RALGPS2: variants seen among roughly 807,000 people sequenced by gnomAD.
The protein encoded by RALGPS2 is Ral GEF with PH domain and SH3 binding motif 2, also known as ras-specific guanine nucleotide-releasing factor RalGPS2.
RALGPS2 carries 43 observed loss-of-function variants against 86.8 expected under a neutral mutation model. The observed-to-expected ratio is 0.50, with a 90% confidence interval of 0.39 to 0.64. The LOEUF (loss-of-function observed/expected upper bound fraction) is 0.64, where lower values mean the gene tolerates loss of function less well. Ranked by LOEUF, RALGPS2 falls within the 30% of genes least tolerant of loss-of-function variation. The probability of loss-of-function intolerance (pLI) is 0.00; values close to 1 mark genes in which losing one functional copy is unlikely to be tolerated. For synonymous variants in RALGPS2, 243 were observed against 231.3 expected (o/e 1.05, Z -0.46); for missense variants, 536 against 694.6 (o/e 0.77, Z 2.57).
intron 5 of RALGPS2, among the ~76,000 whole-genome samples, chr1:178,809,863 C>T (rs1654894360): frequency 6.6e-6 from 1 of 152,172 alleles, no homozygotes; most frequent in East Asian, 1.9e-4. Flanking sequence ...TTCATCAAAG[C>T]AGTCACAAGC....
chr1:178,732,565 C>T (rs780359096), intron 1 of RALGPS2, among the ~76,000 whole-genome samples: 14 of 152,116 alleles, frequency 9.2e-5, no homozygotes, highest in Non-Finnish European at 1.8e-4. Flanking sequence ...TCCCAAAGTG[C>T]TGGGATTACA....
rs1660868023 is a variant in RALGPS2 at position 178,918,031 on chromosome 1, A to T, written c.*1672A>T. 6.6e-6 allele frequency: 1 copy of T among 152,276 alleles called. No individual in the cohort carries two copies. Among genetic ancestry groups the T allele is most frequent in the African/African-American group, 2.4e-5 (1 of 41,554 alleles). 9.4% of individuals were successfully genotyped at this position (152,276 alleles called of 1,614,324 possible). ...TTAGCTTAAAATCCATCCAAAGGAA[A>T]AGAGAAGAGCTTTTTTTGAGTGTTA... On this transcript the variant is annotated 3_prime_UTR_variant, in exon 20 of 20. Coordinates refer to ENST00000367635, the MANE Select transcript of RALGPS2 (RefSeq NM_152663.5).
At chr1:178,879,175 C>A in intron 10 of RALGPS2, 183 bp downstream of exon 10, 1 of 693,926 alleles carries the variant, frequency 1.4e-6, no homozygotes, top group Non-Finnish European at 2.1e-6. Context: ...AGCCAATATA[C>A]AAATACCTCA....
At chr1:178,878,839 T>G in intron 9 of RALGPS2, 63 bp from the exon 10 acceptor site, 1 of 1,575,784 alleles carries the variant, frequency 6.3e-7, no homozygotes, top group Non-Finnish European at 8.6e-7. Context: ...ATTTTCAGCT[T>G]AATTTTTAAA....
At chr1:178,877,852 AATTTTT>A (rs1659065618) in intron 9 of RALGPS2, among the ~76,000 whole-genome samples, 1 of 152,074 alleles carries the variant, frequency 6.6e-6, no homozygotes, top group Non-Finnish European at 1.5e-5. Flanking sequence ...TAATATTTAA[AATTTTT>A]ATTTTTATAT....
At chr1:178,735,039 A>G (rs1466912059) in intron 1 of RALGPS2, among the ~76,000 whole-genome samples, 2 of 152,204 alleles carry the variant, frequency 1.3e-5, no homozygotes, top group Non-Finnish European at 2.9e-5. Flanking sequence ...CAAACAGGGC[A>G]TGTCCATAGC....
chr1:178,758,305 G>A (rs1313153918), intron 1 of RALGPS2, among the ~76,000 whole-genome samples: 2 of 151,936 alleles, frequency 1.3e-5, no homozygotes, highest in Non-Finnish European at 2.9e-5. Flanking sequence ...TAGGTGGTAC[G>A]AGATACTTTG....
At position 178,885,201 on chromosome 1, in the gene RALGPS2, T is replaced by C. The variant is rs570619824; in HGVS notation, c.1030T>C (p.Leu344=). 1.2e-4 allele frequency: 187 copies of C among 1,612,286 alleles called. 4 individuals carry two copies. In the South Asian group the frequency reaches 1.9e-3, roughly 16 times the overall value. The part of the protein sequence containing the change: ...IPHGHRKCHS[L]GYNFIHKMNT... ...ACATGGACATAGGAAGTGCCATAGT[T>C]TGGGTTATAAGTCAGCATTTTTAAT... Residue 344 remains leucine (L), a synonymous_variant, in exon 12 of 20, where the codon TTG becomes CTG. Transcript: ENST00000367635.
intron 1 of RALGPS2, among the ~76,000 whole-genome samples, chr1:178,760,784 A>G (rs1652200306): frequency 6.6e-6 from 1 of 152,122 alleles, no homozygotes; most frequent in Non-Finnish European, 1.5e-5. Flanking sequence ...TTCATTTTGC[A>G]TAGTGTCTCA....
At chr1:178,795,505 C>T (rs953091852) in intron 4 of RALGPS2, among the ~76,000 whole-genome samples, 9 of 151,990 alleles carry the variant, frequency 5.9e-5, no homozygotes, top group Admixed American at 1.3e-4. Flanking sequence ...CTCTGCCTCC[C>T]GGGTTCAAGT....
chr1:178,862,925 T>TA (rs1031822369), intron 8 of RALGPS2, among the ~76,000 whole-genome samples: 3 of 152,190 alleles, frequency 2.0e-5, no homozygotes, highest in African/African-American at 7.2e-5. Flanking sequence ...AAAACAGAGT[T>TA]ACACCAGTTG....
chr1:178,782,898 C>T (rs1057002289), intron 2 of RALGPS2, among the ~76,000 whole-genome samples: 2 of 152,108 alleles, frequency 1.3e-5, no homozygotes, highest in African/African-American at 2.4e-5. Flanking sequence ...ACAGTAAAGG[C>T]CTATTCAACC....
intron 1 of RALGPS2, among the ~76,000 whole-genome samples, chr1:178,727,968 G>A (rs987294707): frequency 3.3e-5 from 5 of 152,106 alleles, no homozygotes; most frequent in Admixed American, 6.5e-5. Flanking sequence ...TGAGAATTGT[G>A]GGAATTATTG....
At chr1:178,899,588 T>C (rs554415375) in intron 17 of RALGPS2, among the ~76,000 whole-genome samples, 1 of 151,764 alleles carries the variant, frequency 6.6e-6, no homozygotes, top group South Asian at 2.1e-4. Flanking sequence ...AAAATCACCA[T>C]TTAAACATAG....
chr1:178,791,049 C>A (rs12078339), intron 4 of RALGPS2, among the ~76,000 whole-genome samples: 2,235 of 151,992 alleles, frequency 0.015, 54 homozygotes, highest in African/African-American at 0.052. Flanking sequence ...CAGGTCTCTA[C>A]TTCATATATA....
intron 7 of RALGPS2, among the ~76,000 whole-genome samples, chr1:178,829,300 G>T (rs1655902901): frequency 6.6e-6 from 1 of 152,178 alleles, no homozygotes; most frequent in Admixed American, 6.5e-5. Flanking sequence ...TAGAACAGGG[G>T]TCCCCAAACC....
chr1:178,867,929 G>A (rs1658520918), intron 8 of RALGPS2, among the ~76,000 whole-genome samples: 2 of 151,806 alleles, frequency 1.3e-5, no homozygotes, highest in South Asian at 4.2e-4. Flanking sequence ...TTTTTCAATT[G>A]AATAGTGTCT....
intron 1 of RALGPS2, among the ~76,000 whole-genome samples, chr1:178,734,412 G>A (rs1437813312): frequency 6.6e-6 from 1 of 152,170 alleles, no homozygotes; most frequent in Non-Finnish European, 1.5e-5. Context: ...GGGGTAAGGG[G>A]GTGGTAGCTA....
chr1:178,861,117 C>G (rs1421840254), intron 8 of RALGPS2, among the ~76,000 whole-genome samples: 2 of 152,146 alleles, frequency 1.3e-5, no homozygotes, highest in East Asian at 3.9e-4. Context: ...GGTCACATAA[C>G]AAAGGTAGTG....
Sources: allele counts gnomAD v4.1 joint callset (sites outside exome capture counted in the v4.1 genomes callset), GRCh38; gene constraint gnomAD v4.1.1; transcripts MANE v1.5; gene names NCBI Gene and HGNC (gene_info 2026-07-23, HGNC 2026-07-21).